SOHLH1: variants seen among roughly 807,000 people sequenced by gnomAD.
The protein encoded by SOHLH1 is spermatogenesis and oogenesis specific basic helix-loop-helix 1, also known as spermatogenesis- and oogenesis-specific basic helix-loop-helix-containing protein 1.
SOHLH1 carries 23 observed loss-of-function variants against 36.2 expected under a neutral mutation model. The ratio of observed to expected loss-of-function variants is 0.64; its 90% CI spans 0.46 to 0.90. The LOEUF (loss-of-function observed/expected upper bound fraction) is 0.90, where lower values mean the gene tolerates loss of function less well. SOHLH1 is among the 40% of genes least tolerant of loss of function. SOHLH1 has a pLI of 0.00. For synonymous variants in SOHLH1, 289 were observed against 228.3 expected (o/e 1.27, Z -2.40); for missense variants, 608 against 517.0 (o/e 1.18, Z -1.71).
chr9:135,698,830 A>G lies in SOHLH1; in HGVS notation c.197+165T>C, dbSNP rs1028612720. Among the ~76,000 whole-genome samples the G allele has an allele frequency of 8.5e-5, 13 of 152,212 alleles. 1 individual carries two copies. The highest frequency in any genetic ancestry group is 2.2e-4 in the African/African-American group (9 of 41,466). ...AAAGAGGGGCTGCAGGATGTTCCCC[A>G]ACAGGGCTTTTCTGGTTTACTTGGA... On this transcript the variant is annotated intron_variant, in intron 2 of 7. Coordinates refer to ENST00000425225, the MANE Select transcript of SOHLH1 (RefSeq NM_001101677.2).
chr9:135,698,568 G>A (rs1321635931), intron 2 of SOHLH1, 92 bp from the exon 3 acceptor site: 20 of 1,578,838 alleles, frequency 1.3e-5, no homozygotes, highest in East Asian at 2.3e-5. Flanking sequence ...TAGACCCTGG[G>A]CGCTTGTCAG....
rs760696005 is a variant in SOHLH1, at chr9:135,695,109, C to T, written c.816G>A (p.Met272Ile). 19 of 1,598,858 alleles carry T rather than the reference C, an allele frequency of 1.2e-5. No individual in the cohort carries two copies. Among genetic ancestry groups the T allele is most frequent in the Non-Finnish European group, 1.6e-5 (19 of 1,175,122 alleles). The change falls in exon 6 of 8, where the codon ATG becomes ATA. Residue 272 changes from methionine (M) to isoleucine (I), a missense_variant. By Grantham distance (10) the Met-to-Ile change is conservative. Coordinates refer to ENST00000425225, the MANE Select transcript of SOHLH1 (RefSeq NM_001101677.2). ...CTGGCTCCCCCAGAGGTGCAGCCCC[C>T]ATGGCCAGGGGCCCAGCCTGGCCCA... ...GWLGQAGPLA[M>I]GAAPLGEPAK...
rs768880996 is a variant in SOHLH1 at position 135,695,101 on chromosome 9, G to A, written c.824C>T (p.Ala275Val). 22 of 1,598,560 alleles carry A rather than the reference G, an allele frequency of 1.4e-5. No individual in the cohort carries two copies. In the East Asian group the frequency reaches 2.3e-4, roughly 16 times the overall value. Residue 275 changes from alanine to valine, a missense_variant, in exon 6 of 8, where the codon GCA (alanine) becomes GTA (valine). Ala to Val is a moderately conservative substitution (Grantham distance 64, BLOSUM62 0). Coordinates refer to ENST00000425225, the MANE Select transcript of SOHLH1 (RefSeq NM_001101677.2). ...CTCCTTGGCTGGCTCCCCCAGAGGT[G>A]CAGCCCCCATGGCCAGGGGCCCAGC... is the stretch of plus-strand genomic sequence containing the variant. ...GQAGPLAMGA[A>V]PLGEPAKEDP...
At chr9:135,696,041 G>T (rs559621918) in intron 5 of SOHLH1, among the ~76,000 whole-genome samples, 5 of 152,298 alleles carry the variant, frequency 3.3e-5, no homozygotes, top group Admixed American at 2.6e-4. Flanking sequence ...CACAAAGCTG[G>T]ACGGAGCAAC....
chr9:135,698,557 A>G, intron 2 of SOHLH1, 81 bp from the exon 3 acceptor site: 1 of 1,599,484 alleles, frequency 6.3e-7, no homozygotes, highest in Non-Finnish European at 8.6e-7. Context: ...AACCTGCCAG[A>G]TAGACCCTGG....
intron 2 of SOHLH1, 116 bp downstream of exon 2, chr9:135,698,878 TG>T: frequency 6.9e-7 from 1 of 1,459,734 alleles, no homozygotes; most frequent in Non-Finnish European, 9.6e-7. Context: ...GTCCTTCTCC[TG>T]GGCACAGGCC....
rs1165481342 is a variant in SOHLH1 at position 135,699,073 on chromosome 9, C to A, written c.119G>T (p.Gly40Val). Residue 40 changes from glycine to valine, a missense_variant, in exon 2 of 8, where the codon GGC becomes GTC. Coordinates refer to ENST00000425225, the MANE Select transcript of SOHLH1 (RefSeq NM_001101677.2). ...SCCEDSARGSGPPKAPTVAEG... is the reference protein window; with the variant it reads ...SCCEDSARGSVPPKAPTVAEG... ...GGCCACCGTAGGGGCCTTGGGCGGG[C>A]CCGAGCCCCGGGCCGAGTCCTCGCA... 6.2e-7 allele frequency: 1 copy of A among 1,610,776 alleles called. No individual in the cohort carries two copies. The highest frequency in any genetic ancestry group is 2.2e-5 in the East Asian group (1 of 44,842).
intron 6 of SOHLH1, 53 bp downstream of exon 6, chr9:135,694,993 TCACA>T: frequency 6.6e-7 from 1 of 1,510,290 alleles, no homozygotes; most frequent in Admixed American, 1.9e-5. Flanking sequence ...TGGGACAGGC[TCACA>T]CACACATGCT....
chr9:135,700,908 C>T (rs1835009948), upstream of SOHLH1, among the ~76,000 whole-genome samples: 1 of 152,140 alleles, frequency 6.6e-6, no homozygotes, highest in Non-Finnish European at 1.5e-5. Context: ...GTTTTTGTTT[C>T]CCTAAAGCCC....
At chr9:135,699,717 C>A (rs146258484), upstream of SOHLH1, among the ~76,000 whole-genome samples, 1 of 152,148 alleles carries the variant, frequency 6.6e-6, no homozygotes, top group Non-Finnish European at 1.5e-5. Flanking sequence ...TATGCCCCCG[C>A]AGGACGCCAG....
chr9:135,697,695 C>T, intron 3 of SOHLH1, 68 bp from the exon 4 acceptor site: 1 of 1,562,226 alleles, frequency 6.4e-7, no homozygotes, highest in Non-Finnish European at 8.7e-7. Flanking sequence ...GACACGGTGA[C>T]AAGACTGCTA....
chr9:135,696,863 G>A, intron 4 of SOHLH1, 58 bp from the exon 5 acceptor site: 5 of 1,567,260 alleles, frequency 3.2e-6, no homozygotes, highest in East Asian at 2.3e-5. Flanking sequence ...CTGGAAGGCT[G>A]CCCCCACCCA....
chr9:135,698,971 C>T (rs774577943), intron 2 of SOHLH1, 24 bp downstream of exon 2: 2 of 1,611,094 alleles, frequency 1.2e-6, no homozygotes, highest in Non-Finnish European at 1.7e-6. Context: ...AGCGCCCTCA[C>T]CCCTGGGAGG....
At chr9:135,699,334 A>C (rs1380632869) in intron 1 of SOHLH1, 69 bp downstream of exon 1, 12 of 1,542,512 alleles carry the variant, frequency 7.8e-6, no homozygotes, top group South Asian at 1.2e-5. Context: ...GAGCCCAGCA[A>C]CTTGCGGAAG....
rs575332974 is a variant in SOHLH1, at chr9:135,696,910, C to T, written c.468-105G>A. 1.7e-4 allele frequency: 209 copies of T among 1,252,688 alleles called. 1 individual carries two copies. In the African/African-American group the frequency reaches 2.8e-3, roughly 17 times the overall value. The allele number at this position is 1,252,688 out of a possible 1,614,324, so 77.6% of individuals were successfully genotyped here. On this transcript the variant is annotated intron_variant, in intron 4 of 7. Transcript: ENST00000425225. ...GAGGGCTGGACCCATCCCCAGGACA[C>T]CCCAGGCACCACCCAGCATCAAGCC...
intron 6 of SOHLH1, among the ~76,000 whole-genome samples, 161 bp from the exon 7 acceptor site, chr9:135,694,618 G>C (rs1328293729): frequency 6.6e-6 from 1 of 152,148 alleles, no homozygotes; most frequent in African/African-American, 2.4e-5. Flanking sequence ...AAATGCAGAG[G>C]CCACAGCCGC....
rs111352730 is a variant in SOHLH1, at chr9:135,697,415, C to T, written c.467+91G>A. ...GCGGAGGCCAAGCCGGGCCTCCAGG[C>T]CACACCCTCCCGAGGACATGCCAGG... On this transcript the variant is annotated intron_variant, in intron 4 of 7. Transcript: ENST00000425225. 9 of 1,555,592 alleles carry T rather than the reference C, an allele frequency of 5.8e-6. 1 individual carries two copies. Among genetic ancestry groups the T allele is most frequent in the African/African-American group, 1.4e-5 (1 of 73,854 alleles).
At chr9:135,695,346 G>A (rs757276257) in intron 5 of SOHLH1, 83 bp from the exon 6 acceptor site, 86 of 1,346,560 alleles carry the variant, frequency 6.4e-5, no homozygotes, top group Middle Eastern at 5.0e-4. Context: ...TCACGGGCTC[G>A]GTCCACTCAC....
chr9:135,700,315 C>T (rs879845333), upstream of SOHLH1, among the ~76,000 whole-genome samples: 9 of 152,212 alleles, frequency 5.9e-5, no homozygotes, highest in African/African-American at 9.6e-5. Flanking sequence ...ACTCCAGGAG[C>T]CGCCCTGCGC....
Sources: allele counts gnomAD v4.1 joint callset (sites outside exome capture counted in the v4.1 genomes callset), GRCh38; gene constraint gnomAD v4.1.1; transcripts MANE v1.5; gene names NCBI Gene and HGNC (gene_info 2026-07-23, HGNC 2026-07-21).